MMP16: variants seen among roughly 807,000 people sequenced by gnomAD.
MMP16 encodes matrix metalloproteinase-16.
In MMP16, 12 loss-of-function variants were observed where a neutral mutation model predicts 67.8. That is an observed-to-expected ratio of 0.18 (90% CI 0.11 to 0.29). MMP16 has a LOEUF of 0.29. MMP16 is among the 10% of genes least tolerant of loss of function. MMP16 has a pLI of 1.00. For missense variants in MMP16, 475 were observed against 765.7 expected (o/e 0.62, Z 4.48); for synonymous variants, 249 against 255.9 (o/e 0.97, Z 0.26).
chr8:88,197,001 A>T (rs1426894919), intron 2 of MMP16, among the ~76,000 whole-genome samples, 157 bp downstream of exon 2: 1 of 152,206 alleles, frequency 6.6e-6, no homozygotes, highest in Non-Finnish European at 1.5e-5. Context: ...CTTATGAAAT[A>T]TTGGAGGAGT....
intron 1 of MMP16, among the ~76,000 whole-genome samples, chr8:88,288,105 T>C (rs1354358764): frequency 6.6e-6 from 1 of 152,254 alleles, no homozygotes; most frequent in Non-Finnish European, 1.5e-5. Flanking sequence ...AAGCCTCATT[T>C]ACTTTAGACT....
chr8:88,200,281 C>T (rs1253053480), intron 1 of MMP16, among the ~76,000 whole-genome samples: 3 of 152,000 alleles, frequency 2.0e-5, no homozygotes, highest in Admixed American at 2.0e-4. Flanking sequence ...GTTATGTTTT[C>T]TTCATTTTGT....
At chr8:88,119,382 AT>A (rs1807782087) in intron 4 of MMP16, among the ~76,000 whole-genome samples, 1 of 152,132 alleles carries the variant, frequency 6.6e-6, no homozygotes. Context: ...CTAAAGCTTT[AT>A]TTTTTTGCTA....
At chr8:88,045,514 G>T (rs539822860) in intron 9 of MMP16, among the ~76,000 whole-genome samples, 40 of 152,006 alleles carry the variant, frequency 2.6e-4, no homozygotes, top group Non-Finnish European at 5.1e-4. Flanking sequence ...GGGACTACAG[G>T]TACATGCCAC....
intron 7 of MMP16, among the ~76,000 whole-genome samples, chr8:88,061,278 A>T (rs1586129185): frequency 6.6e-6 from 1 of 152,084 alleles, no homozygotes; most frequent in African/African-American, 2.4e-5. Flanking sequence ...TCCCTGTGGC[A>T]TTAAAATAGA....
chr8:88,234,132 T>C (rs1282090567), intron 1 of MMP16, among the ~76,000 whole-genome samples: 4 of 152,228 alleles, frequency 2.6e-5, no homozygotes, highest in African/African-American at 9.6e-5. Flanking sequence ...CTCATTTTTA[T>C]AGATGAAAAA....
At chr8:88,148,859 C>A (rs1157393904) in intron 4 of MMP16, among the ~76,000 whole-genome samples, 2 of 152,106 alleles carry the variant, frequency 1.3e-5, no homozygotes, top group African/African-American at 4.8e-5. Flanking sequence ...GGGGAGGAGC[C>A]AAGATGGCCG....
chr8:88,122,438 C>T (rs542820636), intron 4 of MMP16, among the ~76,000 whole-genome samples: 1 of 152,068 alleles, frequency 6.6e-6, no homozygotes, highest in Admixed American at 6.6e-5. Context: ...GATTGTAACA[C>T]ATACCATAAT....
At chr8:88,199,124 T>C (rs192340812) in intron 1 of MMP16, among the ~76,000 whole-genome samples, 1 of 152,192 alleles carries the variant, frequency 6.6e-6, no homozygotes, top group Non-Finnish European at 1.5e-5. Context: ...GAGAGCTGAC[T>C]TGTTGCTAGG....
intron 7 of MMP16, among the ~76,000 whole-genome samples, chr8:88,061,992 A>G (rs998847504): frequency 4.6e-5 from 7 of 152,074 alleles, no homozygotes; most frequent in African/African-American, 1.7e-4. Context: ...ATAAAGTTGC[A>G]TGACAGAATT....
chr8:88,148,548 G>T (rs561079100), intron 4 of MMP16, among the ~76,000 whole-genome samples: 1 of 152,260 alleles, frequency 6.6e-6, no homozygotes, highest in African/African-American at 2.4e-5. Flanking sequence ...TAACGCGGGA[G>T]CTTCAGATTC....
intron 1 of MMP16, among the ~76,000 whole-genome samples, chr8:88,319,368 T>C (rs1038470563): frequency 6.6e-6 from 1 of 152,026 alleles, no homozygotes; most frequent in Non-Finnish European, 1.5e-5. Flanking sequence ...AAAATGTGAC[T>C]TTTCATAATT....
At chr8:88,182,960 G>C (rs1563555844) in intron 3 of MMP16, among the ~76,000 whole-genome samples, 1 of 151,994 alleles carries the variant, frequency 6.6e-6, no homozygotes, top group Non-Finnish European at 1.5e-5. Flanking sequence ...CTGAAAAAAA[G>C]CTACATTCTC....
intron 4 of MMP16, among the ~76,000 whole-genome samples, chr8:88,148,074 T>C (rs1038400321): frequency 2.0e-5 from 3 of 152,190 alleles, no homozygotes; most frequent in African/African-American, 7.2e-5. Context: ...GTTCACAAAA[T>C]ATTTTTTCAA....
intron 4 of MMP16, among the ~76,000 whole-genome samples, 174 bp from the exon 5 acceptor site, chr8:88,119,035 TTTTCAAA>T (rs1225444398): frequency 1.3e-5 from 2 of 151,904 alleles, no homozygotes; most frequent in Non-Finnish European, 2.9e-5. Context: ...CAATAACCTT[TTTTCAAA>T]AAAGGGTCAA....
intron 6 of MMP16, among the ~76,000 whole-genome samples, chr8:88,112,829 C>T (rs1177785383): frequency 2.0e-5 from 3 of 151,790 alleles, no homozygotes; most frequent in South Asian, 4.2e-4. Flanking sequence ...AAAAGCATTA[C>T]GCTGAAAGTC....
At chr8:88,289,642 G>GC (rs1488053647) in intron 1 of MMP16, among the ~76,000 whole-genome samples, 3 of 150,618 alleles carry the variant, frequency 2.0e-5, no homozygotes, top group Non-Finnish European at 4.4e-5. Flanking sequence ...CTGTACAGTT[G>GC]CCGTGTACTC....
intron 8 of MMP16, among the ~76,000 whole-genome samples, chr8:88,047,735 T>C (rs1377860191): frequency 6.6e-6 from 1 of 152,214 alleles, no homozygotes; most frequent in Non-Finnish European, 1.5e-5. Flanking sequence ...AGCGAGCCTT[T>C]GGCTTTACTC....
chr8:88,092,959 CTG>C (rs1418482767), intron 6 of MMP16, among the ~76,000 whole-genome samples: 5 of 151,712 alleles, frequency 3.3e-5, no homozygotes, highest in Non-Finnish European at 5.9e-5. Context: ...GCATGCAAAT[CTG>C]TGGAAGAATA....
Sources: gnomAD v4.1 joint callset for allele counts (sites outside exome capture counted in the v4.1 genomes callset) on GRCh38, gnomAD v4.1.1 for gene constraint, MANE v1.5 for transcripts, NCBI Gene and HGNC (gene_info 2026-07-23, HGNC 2026-07-21) for gene names.